Variants in ANGPTL1 observed in about 807,000 individuals in gnomAD.
ANGPTL1 encodes angiopoietin-related protein 1.
A neutral mutation model predicts 46.7 loss-of-function variants in ANGPTL1; 36 were observed. The ratio of observed to expected loss-of-function variants is 0.77; its 90% CI spans 0.59 to 1.02. The LOEUF is 1.02. Ranked by LOEUF, ANGPTL1 falls within the 50% of genes least tolerant of loss-of-function variation. The pLI is 0.00. For missense variants in ANGPTL1, 571 were observed against 594.7 expected, an observed-to-expected ratio of 0.96 and a Z score of 0.41; for synonymous variants, 221 against 204.3, an observed-to-expected ratio of 1.08 and a Z score of -0.69.
chr1:178,863,939 G>A (rs771186665), intron 3 of ANGPTL1, among the ~76,000 whole-genome samples: 4 of 152,086 alleles, frequency 2.6e-5, no homozygotes, highest in Non-Finnish European at 4.4e-5. Flanking sequence ...TTATTTCATA[G>A]TATATGTTTT....
intron 3 of ANGPTL1, among the ~76,000 whole-genome samples, chr1:178,857,906 C>G (rs1657701034): frequency 6.6e-6 from 1 of 152,116 alleles, no homozygotes. Flanking sequence ...TTAATAGACA[C>G]TCAGATGTTT....
rs546134954 is a variant in ANGPTL1 at position 178,851,211 on chromosome 1, T to C, written c.1394A>G (p.Gln465Arg). The change falls in exon 6 of 6, where the codon CAA (glutamine) becomes CGA (arginine). Residue 465 changes from glutamine (Q) to arginine (R), a missense_variant. Coordinates refer to ENST00000234816, the MANE Select transcript of ANGPTL1 (RefSeq NM_004673.4). The part of the protein sequence containing the change: ...YRGGHYRSKH[Q>R]DGIFWAEYRG... ...GTATTCGGCCCAGAAAATTCCATCT[T>C]GGTGCTTGCTTCTGTAATGGCCTCC... 6 of 1,614,058 alleles carry C rather than the reference T, an allele frequency of 3.7e-6. No individual in the cohort carries two copies. The South Asian group carries it at 6.6e-5, about 18-fold the overall frequency.
chr1:178,861,702 A>G (rs1394955386), intron 3 of ANGPTL1, among the ~76,000 whole-genome samples: 1 of 152,226 alleles, frequency 6.6e-6, no homozygotes, highest in African/African-American at 2.4e-5. Context: ...ATGTTTATTT[A>G]TAACTTACGT....
At chr1:178,863,742 AGAAG>A (rs1459320455) in intron 3 of ANGPTL1, among the ~76,000 whole-genome samples, 1 of 152,218 alleles carries the variant, frequency 6.6e-6, no homozygotes, top group Non-Finnish European at 1.5e-5. Flanking sequence ...TTTAAGGCAT[AGAAG>A]GAAGAAGATG....
At chr1:178,864,291 TAATG>T (rs1572423101) in intron 3 of ANGPTL1, among the ~76,000 whole-genome samples, 1 of 152,162 alleles carries the variant, frequency 6.6e-6, no homozygotes, top group East Asian at 1.9e-4. Context: ...TTTTTTATAA[TAATG>T]AACATTTATA....
At chr1:178,864,604 C>T (rs1313360415) in intron 3 of ANGPTL1, among the ~76,000 whole-genome samples, 2 of 152,032 alleles carry the variant, frequency 1.3e-5, no homozygotes, top group African/African-American at 2.4e-5. Context: ...CGGGTAGCAG[C>T]GACGACCTAG....
chr1:178,867,134 T>G (rs1658464639), intron 2 of ANGPTL1, among the ~76,000 whole-genome samples: 1 of 152,160 alleles, frequency 6.6e-6, no homozygotes, highest in African/African-American at 2.4e-5. Context: ...GCTCCTAAGT[T>G]GTTTATGCCT....
At chr1:178,858,454 G>C (rs1453007498) in intron 3 of ANGPTL1, among the ~76,000 whole-genome samples, 1 of 152,048 alleles carries the variant, frequency 6.6e-6, no homozygotes, top group Non-Finnish European at 1.5e-5. Context: ...GAAATAAATT[G>C]ATTGATCTGT....
intron 3 of ANGPTL1, among the ~76,000 whole-genome samples, chr1:178,854,664 T>C (rs1416445703): frequency 2.0e-5 from 3 of 152,170 alleles, no homozygotes; most frequent in Non-Finnish European, 4.4e-5. Flanking sequence ...AACGATTAAC[T>C]AAGGTCATGT....
chr1:178,863,477 G>C (rs1658171137), intron 3 of ANGPTL1, among the ~76,000 whole-genome samples: 1 of 152,222 alleles, frequency 6.6e-6, no homozygotes, highest in South Asian at 2.1e-4. Flanking sequence ...AGGTGTGTTT[G>C]TTTGAATCTA....
At chr1:178,866,391 A>G (rs1658413647) in intron 2 of ANGPTL1, among the ~76,000 whole-genome samples, 1 of 152,182 alleles carries the variant, frequency 6.6e-6, no homozygotes, top group South Asian at 2.1e-4. Context: ...AGATAGTTTT[A>G]GCATCACATG....
intron 3 of ANGPTL1, among the ~76,000 whole-genome samples, chr1:178,862,116 G>A (rs1010663718): frequency 8.5e-5 from 13 of 152,096 alleles, no homozygotes; most frequent in South Asian, 6.2e-4. Flanking sequence ...CAAGTGATCC[G>A]TCTGCCTCGG....
chr1:178,859,126 A>G (rs533115167), intron 3 of ANGPTL1, among the ~76,000 whole-genome samples: 2 of 134,464 alleles, frequency 1.5e-5, no homozygotes, highest in South Asian at 2.2e-4. Flanking sequence ...TTTAAACTGT[A>G]TTTAGCAACC....
intron 3 of ANGPTL1, among the ~76,000 whole-genome samples, chr1:178,862,649 G>T (rs1300284308): frequency 1.3e-5 from 2 of 151,176 alleles, no homozygotes; most frequent in Admixed American, 6.6e-5. Context: ...TTGGTTGGTT[G>T]GTTTGGCTTG....
chr1:178,862,414 A>G (rs962984812), intron 3 of ANGPTL1, among the ~76,000 whole-genome samples: 1 of 151,988 alleles, frequency 6.6e-6, no homozygotes. Flanking sequence ...AGCTTATAAT[A>G]TAGTTGGAAA....
At chr1:178,863,566 G>A (rs1043642230) in intron 3 of ANGPTL1, among the ~76,000 whole-genome samples, 2 of 152,188 alleles carry the variant, frequency 1.3e-5, no homozygotes, top group African/African-American at 4.8e-5. Flanking sequence ...CTGAAAGAAG[G>A]TGTTTCAGTA....
chr1:178,855,504 T>TA (rs1247947170), intron 3 of ANGPTL1, among the ~76,000 whole-genome samples: 1 of 152,020 alleles, frequency 6.6e-6, no homozygotes, highest in African/African-American at 2.4e-5. Flanking sequence ...TATAATGCAA[T>TA]ATCCATAAGT....
intron 4 of ANGPTL1, 136 bp from the exon 5 acceptor site, chr1:178,853,089 G>C (rs1657291577): frequency 7.0e-7 from 1 of 1,426,764 alleles, no homozygotes; most frequent in Admixed American, 2.7e-5. Context: ...ATTTTAGTTG[G>C]TCACTTGCGT....
chr1:178,856,762 A>G (rs1046866660), intron 3 of ANGPTL1, among the ~76,000 whole-genome samples: 1 of 152,238 alleles, frequency 6.6e-6, no homozygotes, highest in Non-Finnish European at 1.5e-5. Context: ...ATGTCTGCTT[A>G]TTTAATAAAT....
Sources: allele counts gnomAD v4.1 joint callset (sites outside exome capture counted in the v4.1 genomes callset), GRCh38; gene constraint gnomAD v4.1.1; transcripts MANE v1.5; gene names NCBI Gene and HGNC (gene_info 2026-07-23, HGNC 2026-07-21).